MEI4: variants seen among roughly 807,000 people sequenced by gnomAD.
MEI4 encodes the protein meiosis-specific protein MEI4.
A neutral mutation model predicts 31.4 loss-of-function variants in MEI4; 27 were observed. That is an observed-to-expected ratio of 0.86 (90% CI 0.63 to 1.19). MEI4 has a LOEUF of 1.19. Ranked by LOEUF, MEI4 falls within the 50% of genes most tolerant of loss-of-function variation. The pLI is 0.00. For missense variants in MEI4, 329 were observed against 398.9 expected (o/e 0.82, Z 1.49); for synonymous variants, 122 against 145.4 (o/e 0.84, Z 1.16).
chr6:77,690,751 A>C lies in MEI4; in HGVS notation c.80A>C (p.Lys27Thr). The part of the protein sequence containing the change: ...LAIIRSKPAD[K>T]SSREYTEHLA... ...ATTATCCGCTCAAAACCAGCAGACA[A>C]AAGCAGCAGAGAATACACAGAGCAC... The change falls in exon 2 of 5, where the codon AAA becomes ACA. Residue 27 changes from lysine (K) to threonine (T), a missense_variant. Physicochemically the swap from Lys to Thr is moderately conservative, Grantham distance 78. Transcript: ENST00000684080. The C allele has an allele frequency of 8.1e-7, 1 of 1,231,684 alleles. No individual in the cohort carries two copies. Among genetic ancestry groups the C allele is most frequent in the South Asian group, 4.1e-5 (1 of 24,316 alleles). 76.3% of individuals were successfully genotyped at this position (1,231,684 alleles called of 1,614,324 possible). A position where few individuals can be genotyped will look rare whatever the true frequency, so the allele number is the denominator to read the frequency against.
chr6:77,712,162 G>A (rs1390137567), intron 2 of MEI4, among the ~76,000 whole-genome samples: 4 of 152,154 alleles, frequency 2.6e-5, no homozygotes, highest in Admixed American at 6.5e-5. Flanking sequence ...AAATGTTTAA[G>A]AGGGTACTTT....
At chr6:77,922,038 C>G (rs1220453850) in intron 4 of MEI4, among the ~76,000 whole-genome samples, 3 of 151,632 alleles carry the variant, frequency 2.0e-5, no homozygotes, top group Non-Finnish European at 4.4e-5. Context: ...TTGCCACAAA[C>G]CTTCAATTTG....
chr6:77,758,755 C>A (rs118071085), intron 2 of MEI4, among the ~76,000 whole-genome samples: 1 of 152,182 alleles, frequency 6.6e-6, no homozygotes, highest in African/African-American at 2.4e-5. Context: ...CCATTCTTTT[C>A]TCATATTTCC....
intron 4 of MEI4, among the ~76,000 whole-genome samples, chr6:77,919,411 C>G (rs1231690539): frequency 6.6e-6 from 1 of 151,846 alleles, no homozygotes; most frequent in Non-Finnish European, 1.5e-5. Flanking sequence ...GGATACATAA[C>G]GAAATGAAGC....
At chr6:77,905,130 T>C (rs1428914105) in intron 4 of MEI4, among the ~76,000 whole-genome samples, 1 of 152,104 alleles carries the variant, frequency 6.6e-6, no homozygotes, top group Non-Finnish European at 1.5e-5. Context: ...TATCTCTTAT[T>C]CATTTCTGAA....
intron 1 of MEI4, among the ~76,000 whole-genome samples, chr6:77,690,072 C>A (rs1164973750): frequency 1.3e-5 from 2 of 151,944 alleles, no homozygotes; most frequent in Non-Finnish European, 2.9e-5. Flanking sequence ...TCAGAGTAGA[C>A]TCGCAACTTA....
chr6:77,659,794 C>T (rs1768467691), intron 1 of MEI4, among the ~76,000 whole-genome samples: 1 of 152,094 alleles, frequency 6.6e-6, no homozygotes, highest in African/African-American at 2.4e-5. Flanking sequence ...TGTAGTTGGG[C>T]TTCGGAGATG....
rs116711492 is a variant in MEI4 at position 77,738,321 on chromosome 6, G to A, written c.233-22809G>A. Among the ~76,000 whole-genome samples, 1,104 of 152,236 alleles carry A rather than the reference G, an allele frequency of 7.3e-3. 13 individuals are homozygous for A. The highest frequency in any genetic ancestry group is 0.024 in the African/African-American group (1,000 of 41,534). ...TCTTCTCATTAGTTTATAATTTCAC[G>A]CATTTGAGAGTGATACCTCTTTTGG... is the stretch of plus-strand genomic sequence containing the variant. On this transcript the variant is annotated intron_variant, in intron 2 of 4. Coordinates refer to ENST00000684080, the MANE Select transcript of MEI4 (RefSeq NM_001322247.2).
intron 2 of MEI4, among the ~76,000 whole-genome samples, chr6:77,743,442 G>A (rs944936398): frequency 3.9e-5 from 6 of 152,104 alleles, no homozygotes; most frequent in African/African-American, 1.4e-4. Flanking sequence ...TGGTGTATAA[G>A]AATGCTTGTG....
At chr6:77,808,724 G>T (rs1769500756) in intron 3 of MEI4, among the ~76,000 whole-genome samples, 1 of 152,142 alleles carries the variant, frequency 6.6e-6, no homozygotes, top group Non-Finnish European at 1.5e-5. Flanking sequence ...TGTGTAATGT[G>T]AAGGATATTT....
chr6:77,813,247 A>G (rs1769615561), intron 3 of MEI4, among the ~76,000 whole-genome samples: 1 of 152,082 alleles, frequency 6.6e-6, no homozygotes, highest in African/African-American at 2.4e-5. Flanking sequence ...ATTGCTTAGT[A>G]GTTTGTTTCA....
intron 1 of MEI4, among the ~76,000 whole-genome samples, chr6:77,660,133 C>T (rs200167672): frequency 1.1e-4 from 16 of 151,690 alleles, no homozygotes; most frequent in Admixed American, 8.5e-4. Context: ...GTCTGTAAGG[C>T]GGGGACAGCT....
chr6:77,861,137 T>G (rs1770855057), intron 4 of MEI4, among the ~76,000 whole-genome samples: 1 of 152,208 alleles, frequency 6.6e-6, no homozygotes, highest in Non-Finnish European at 1.5e-5. Context: ...TCTGCCTCTC[T>G]TCACTGTAGC....
At chr6:77,713,599 G>A (rs1766515049) in intron 2 of MEI4, among the ~76,000 whole-genome samples, 2 of 152,108 alleles carry the variant, frequency 1.3e-5, no homozygotes. Context: ...GTGTGTTATG[G>A]GTCTGCTTCT....
At chr6:77,727,105 CG>C (rs755683447) in intron 2 of MEI4, among the ~76,000 whole-genome samples, 3 of 152,092 alleles carry the variant, frequency 2.0e-5, no homozygotes, top group Non-Finnish European at 4.4e-5. Flanking sequence ...TCCACAAAAA[CG>C]GGAGAGGGTC....
intron 4 of MEI4, among the ~76,000 whole-genome samples, chr6:77,863,448 G>A (rs1389182370): frequency 6.6e-6 from 1 of 152,080 alleles, no homozygotes; most frequent in East Asian, 1.9e-4. Flanking sequence ...ACAAGCCTCA[G>A]TAGCCAACTC....
upstream of MEI4, among the ~76,000 whole-genome samples, chr6:77,652,769 C>T (rs1445690748): frequency 6.6e-6 from 1 of 152,104 alleles, no homozygotes; most frequent in Admixed American, 6.5e-5. Context: ...CAGAGCTCAT[C>T]ATGTGTTAGC....
At chr6:77,713,061 C>T (rs1766502890) in intron 2 of MEI4, among the ~76,000 whole-genome samples, 1 of 151,772 alleles carries the variant, frequency 6.6e-6, no homozygotes, top group Non-Finnish European at 1.5e-5. Context: ...GGAAAGAGCA[C>T]TCTTTCCAAT....
intron 4 of MEI4, among the ~76,000 whole-genome samples, chr6:77,872,915 A>AT (rs1160797928): frequency 2.0e-5 from 3 of 151,190 alleles, no homozygotes; most frequent in African/African-American, 7.3e-5. Context: ...TGAACTCATC[A>AT]TTTTTTATGG....
Sources: allele counts gnomAD v4.1 joint callset (sites outside exome capture counted in the v4.1 genomes callset), GRCh38; gene constraint gnomAD v4.1.1; transcripts MANE v1.5; gene names NCBI Gene and HGNC (gene_info 2026-07-23, HGNC 2026-07-21).